DLGAP2: variants seen among roughly 807,000 people sequenced by gnomAD.
DLGAP2 encodes the protein DLG associated protein 2.
Under a neutral mutation model 100.3 loss-of-function variants are expected in DLGAP2, and 26 were observed. That is an observed-to-expected ratio of 0.26 (90% CI 0.19 to 0.36). The LOEUF is 0.36. DLGAP2 is among the 10% of genes least tolerant of loss of function. The pLI is 1.00. For synonymous variants in DLGAP2, 886 were observed against 630.1 expected, an observed-to-expected ratio of 1.41 and a Z score of -6.08; for missense variants, 1,858 against 1,453.2, an observed-to-expected ratio of 1.28 and a Z score of -4.53.
At chr8:839,636 C>T (rs148784793) in intron 1 of DLGAP2, among the ~76,000 whole-genome samples, 92 of 152,276 alleles carry the variant, frequency 6.0e-4, no homozygotes, top group African/African-American at 2.0e-3. Context: ...ATCACCACCT[C>T]GGTGAAAAAC....
chr8:899,421 C>G (rs561087467), intron 1 of DLGAP2, among the ~76,000 whole-genome samples: 305 of 152,322 alleles, frequency 2.0e-3, no homozygotes, highest in African/African-American at 7.0e-3. Flanking sequence ...TTAGAGCTGG[C>G]AAGACCCAGG....
At chr8:963,550 T>C (rs1799777021) in intron 2 of DLGAP2, among the ~76,000 whole-genome samples, 1 of 152,230 alleles carries the variant, frequency 6.6e-6, no homozygotes, top group African/African-American at 2.4e-5. Context: ...TAAATGTAAT[T>C]CCTCTCAACA....
intron 6 of DLGAP2, among the ~76,000 whole-genome samples, chr8:1,566,229 T>C (rs1452327248): frequency 2.0e-5 from 3 of 152,162 alleles, no homozygotes; most frequent in Non-Finnish European, 4.4e-5. Flanking sequence ...TGCGTATGGG[T>C]GTGTGTTTGA....
At chr8:1,691,142 T>G (rs1015769680) in intron 12 of DLGAP2, among the ~76,000 whole-genome samples, 3 of 152,346 alleles carry the variant, frequency 2.0e-5, no homozygotes, top group Admixed American at 6.5e-5. Context: ...TTCACTAACA[T>G]GTTAGAGTCC....
chr8:863,392 GA>G (rs1290962612), intron 1 of DLGAP2, among the ~76,000 whole-genome samples: 2 of 152,198 alleles, frequency 1.3e-5, no homozygotes, highest in Admixed American at 1.3e-4. Flanking sequence ...GCTGTCCTTA[GA>G]CTCACTGTGA....
At chr8:1,647,454 A>C (rs1202768053) in intron 8 of DLGAP2, among the ~76,000 whole-genome samples, 2 of 130,080 alleles carry the variant, frequency 1.5e-5, no homozygotes, top group East Asian at 5.1e-4. Flanking sequence ...GCGCCACTGC[A>C]CTCCAGCCTG....
chr8:778,004 G>T (rs1821574768), intron 1 of DLGAP2, among the ~76,000 whole-genome samples: 1 of 151,816 alleles, frequency 6.6e-6, no homozygotes, highest in Non-Finnish European at 1.5e-5. Flanking sequence ...ACGTAGATTT[G>T]GTCTTTTCAC....
At position 1,374,626 on chromosome 8, in the gene DLGAP2, C is replaced by G. The variant is rs368667279; in HGVS notation, c.106+115743C>G. Among the ~76,000 whole-genome samples, 386 of 152,266 alleles carry G rather than the reference C, an allele frequency of 2.5e-3. 4 individuals carry two copies. The South Asian group carries it at 0.032, about 13-fold the overall frequency. On this transcript the variant is annotated intron_variant, in intron 3 of 14. Transcript: ENST00000637795. ...ACCATGTGGCAGACGGAGAATCTGC[C>G]TCAATGTAGGAGTTAAAGATTTGAA...
chr8:1,136,380 G>A (rs569830674), intron 2 of DLGAP2, among the ~76,000 whole-genome samples: 9 of 152,312 alleles, frequency 5.9e-5, no homozygotes, highest in African/African-American at 1.7e-4. Context: ...GCAGATGCTC[G>A]TGGGAGAGAA....
chr8:1,303,518 G>A (rs982110060), intron 3 of DLGAP2, among the ~76,000 whole-genome samples: 3 of 152,144 alleles, frequency 2.0e-5, no homozygotes, highest in Non-Finnish European at 2.9e-5. Flanking sequence ...CGCAGACCCT[G>A]CTGGGCTGTG....
chr8:1,079,465 C>G (rs1420911020), intron 2 of DLGAP2, among the ~76,000 whole-genome samples: 2 of 152,114 alleles, frequency 1.3e-5, no homozygotes, highest in Non-Finnish European at 1.5e-5. Flanking sequence ...GATTAGCAGC[C>G]TTTATTGGTT....
At chr8:1,623,864 A>G (rs1027668024) in intron 6 of DLGAP2, among the ~76,000 whole-genome samples, 2 of 152,260 alleles carry the variant, frequency 1.3e-5, no homozygotes, top group South Asian at 2.1e-4. Context: ...TTGTGAGTCT[A>G]TGTTTTAAAA....
intron 3 of DLGAP2, among the ~76,000 whole-genome samples, chr8:1,420,273 C>G (rs146220738): frequency 6.6e-6 from 1 of 152,256 alleles, no homozygotes; most frequent in African/African-American, 2.4e-5. Context: ...TAAGGACTGT[C>G]CTTTCAACCT....
In DLGAP2 at chr8:777,795, G is replaced by C. The variant is rs972353420; in HGVS notation, c.18+39970G>C. Among the ~76,000 whole-genome samples, 26 of 151,964 alleles carry C rather than the reference G, an allele frequency of 1.7e-4. 1 individual carries two copies. Among genetic ancestry groups the C allele is most frequent in the African/African-American group, 6.3e-4 (26 of 41,372 alleles). On this transcript the variant is annotated intron_variant, in intron 1 of 14. Transcript: ENST00000637795. ...GGCTGCCCTTAACATTTTTTCCTTC[G>C]TTTTGACTTTGGTGAATCTGACAGT...
intron 2 of DLGAP2, among the ~76,000 whole-genome samples, chr8:1,215,504 C>T (rs1440042569): frequency 2.5e-4 from 6 of 24,132 alleles, no homozygotes; most frequent in Admixed American, 1.3e-3. Flanking sequence ...TTGGGTGCAT[C>T]ACCTGGAGAC....
At chr8:1,255,038 A>AGTGTGTGTCCTCTCATCCTGCCCG (rs1799155085) in intron 2 of DLGAP2, among the ~76,000 whole-genome samples, 1 of 99,552 alleles carries the variant, frequency 1.0e-5, no homozygotes, top group East Asian at 3.1e-4. Flanking sequence ...TCTCCTGCCC[A>AGTGTGTGTCCTCTCATCCTGCCCG]GCCGCTGTGT....
At chr8:1,242,650 G>A (rs138206811) in intron 2 of DLGAP2, among the ~76,000 whole-genome samples, 71 of 152,184 alleles carry the variant, frequency 4.7e-4, no homozygotes, top group Admixed American at 5.2e-4. Context: ...TTTGTTCTTA[G>A]GATTCCCTGA....
chr8:1,068,161 G>C (rs1169156849), intron 2 of DLGAP2, among the ~76,000 whole-genome samples: 1 of 152,170 alleles, frequency 6.6e-6, no homozygotes, highest in African/African-American at 2.4e-5. Context: ...AGCAGTGAGT[G>C]CTATTCCACT....
chr8:1,673,267 C>T (rs1489759166), intron 10 of DLGAP2, among the ~76,000 whole-genome samples: 1 of 152,150 alleles, frequency 6.6e-6, no homozygotes, highest in Non-Finnish European at 1.5e-5. Flanking sequence ...CCAGTGTGCT[C>T]CCACTGCAAT....
Sources: gnomAD v4.1 joint callset for allele counts (sites outside exome capture counted in the v4.1 genomes callset) on GRCh38, gnomAD v4.1.1 for gene constraint, MANE v1.5 for transcripts, NCBI Gene and HGNC (gene_info 2026-07-23, HGNC 2026-07-21) for gene names.